ZMAT4: variants seen among roughly 807,000 people sequenced by gnomAD.
ZMAT4 encodes zinc finger matrin-type 4.
Under a neutral mutation model 28.7 loss-of-function variants are expected in ZMAT4, and 17 were observed. The observed-to-expected ratio is 0.59, with a 90% confidence interval of 0.41 to 0.89. ZMAT4 has a LOEUF of 0.89. Among genes scored for constraint, ZMAT4 ranks in the 40% least tolerant of loss-of-function variants. The pLI, the probability that ZMAT4 is intolerant of heterozygous loss-of-function variation, is 0.00. For synonymous variants in ZMAT4, 117 were observed against 109.2 expected (o/e 1.07, Z -0.44); for missense variants, 240 against 283.8 (o/e 0.85, Z 1.11).
chr8:40,615,968 A>C (rs1207815384), intron 5 of ZMAT4, among the ~76,000 whole-genome samples: 2 of 152,214 alleles, frequency 1.3e-5, no homozygotes, highest in African/African-American at 4.8e-5. Flanking sequence ...AATGGGAGAA[A>C]ATTTTTGCAA....
chr8:40,864,199 A>T (rs77966301), intron 1 of ZMAT4, among the ~76,000 whole-genome samples: 2,322 of 152,338 alleles, frequency 0.015, 29 homozygotes, highest in Middle Eastern at 0.037. Flanking sequence ...AAAGAAAGGC[A>T]TTTGCCAATC....
At position 40,877,765 on chromosome 8, in the gene ZMAT4, C is replaced by T. The variant is rs535582857; in HGVS notation, c.-5+19918G>A. Among the ~76,000 whole-genome samples the T allele has an allele frequency of 1.6e-4, 24 of 152,040 alleles. No homozygotes were observed. In the South Asian group the frequency reaches 5.0e-3, roughly 32 times the overall value. ...GAGAAAGACGGAGAGAGTTTTCTCC[C>T]AAGACTTTCAGTGGGTGGCAGAGAA... On this transcript the variant is annotated intron_variant, in intron 1 of 6. Coordinates refer to ENST00000297737, the MANE Select transcript of ZMAT4 (RefSeq NM_024645.3).
intron 3 of ZMAT4, among the ~76,000 whole-genome samples, chr8:40,713,805 A>C (rs1296562695): frequency 6.6e-6 from 1 of 151,050 alleles, no homozygotes; most frequent in Admixed American, 6.6e-5. Context: ...GCTACTTGAG[A>C]GGCTGAGGCA....
intron 6 of ZMAT4, among the ~76,000 whole-genome samples, chr8:40,553,199 T>A (rs1022916623): frequency 2.0e-5 from 3 of 152,100 alleles, no homozygotes; most frequent in African/African-American, 7.2e-5. Context: ...GCCGTGTGAG[T>A]GCAACACCTT....
intron 4 of ZMAT4, among the ~76,000 whole-genome samples, chr8:40,681,418 A>G (rs1180422523): frequency 6.6e-6 from 1 of 152,214 alleles, no homozygotes. Context: ...TGATAGCAGT[A>G]TTTCTTCAGC....
At chr8:40,792,150 T>A (rs909629428) in intron 2 of ZMAT4, among the ~76,000 whole-genome samples, 4 of 152,158 alleles carry the variant, frequency 2.6e-5, no homozygotes, top group African/African-American at 9.7e-5. Flanking sequence ...ATATTCTACA[T>A]TTCTGTATGT....
intron 3 of ZMAT4, among the ~76,000 whole-genome samples, chr8:40,700,029 T>C (rs1810063855): frequency 6.6e-6 from 1 of 152,178 alleles, no homozygotes; most frequent in Non-Finnish European, 1.5e-5. Flanking sequence ...TTGCCCTTAA[T>C]GAATGAAAAA....
At chr8:40,706,290 G>C (rs1329349746) in intron 3 of ZMAT4, among the ~76,000 whole-genome samples, 1 of 152,080 alleles carries the variant, frequency 6.6e-6, no homozygotes. Context: ...TCCTGACCCC[G>C]TGATCCACCC....
chr8:40,661,954 A>C (rs879752442), intron 5 of ZMAT4, among the ~76,000 whole-genome samples: 1 of 152,042 alleles, frequency 6.6e-6, no homozygotes, highest in Non-Finnish European at 1.5e-5. Context: ...AAAATTGGTA[A>C]CTAAAGAACA....
intron 6 of ZMAT4, among the ~76,000 whole-genome samples, chr8:40,535,270 C>A (rs1165799138): frequency 6.6e-6 from 1 of 152,174 alleles, no homozygotes; most frequent in Admixed American, 6.5e-5. Context: ...CTTCTTCCAC[C>A]ACTAGTCTTT....
chr8:40,859,393 A>G (rs1401842036), intron 1 of ZMAT4, among the ~76,000 whole-genome samples: 1 of 152,124 alleles, frequency 6.6e-6, no homozygotes, highest in Admixed American at 6.5e-5. Flanking sequence ...GAGTGCATGT[A>G]TGGAAACCCA....
chr8:40,686,351 G>A (rs35246032), intron 4 of ZMAT4, among the ~76,000 whole-genome samples: 1 of 151,948 alleles, frequency 6.6e-6, no homozygotes, highest in Non-Finnish European at 1.5e-5. Flanking sequence ...TGCACCCCCA[G>A]CTAATTGGGA....
At chr8:40,551,041 C>T (rs1473610413) in intron 6 of ZMAT4, among the ~76,000 whole-genome samples, 1 of 152,130 alleles carries the variant, frequency 6.6e-6, no homozygotes, top group African/African-American at 2.4e-5. Context: ...ATCTATTATG[C>T]TTCATTTGTT....
At position 40,781,906 on chromosome 8, in the gene ZMAT4, T is replaced by A. The variant is rs145399527; in HGVS notation, c.103-14176A>T. ...ATTAAATATATGCAAAACAGTGGAG[T>A]TGGACTCCTACCTCCTACCATATAC... On this transcript the variant is annotated intron_variant, in intron 2 of 6. Coordinates refer to ENST00000297737, the MANE Select transcript of ZMAT4 (RefSeq NM_024645.3). Among the ~76,000 whole-genome samples the A allele has an allele frequency of 4.0e-5, 6 of 151,146 alleles. No individual in the cohort carries two copies. In the East Asian group the frequency reaches 1.2e-3, roughly 29 times the overall value.
chr8:40,594,055 TGGAGAGA>T (rs1805000330), intron 5 of ZMAT4, among the ~76,000 whole-genome samples: 1 of 152,144 alleles, frequency 6.6e-6, no homozygotes, highest in African/African-American at 2.4e-5. Flanking sequence ...CCAGTTAGGT[TGGAGAGA>T]GTTTCATAGA....
chr8:40,814,901 A>C (rs1815470043), intron 2 of ZMAT4, among the ~76,000 whole-genome samples: 1 of 152,246 alleles, frequency 6.6e-6, no homozygotes, highest in Non-Finnish European at 1.5e-5. Context: ...CATTTTGCTC[A>C]AAGACTTCAA....
chr8:40,880,261 C>A lies in ZMAT4; in HGVS notation c.-5+17422G>T, dbSNP rs1167422020. ...GCACATGCCTGTAATCCCAGCTACT[C>A]GGGAGGCTGAGGCAGGAGAATCACT... On this transcript the variant is annotated intron_variant, in intron 1 of 6. Transcript: ENST00000297737. 4.0e-5 allele frequency among the ~76,000 whole-genome samples: 6 copies of A among 151,062 alleles called. No individual in the cohort carries two copies. The East Asian group carries it at 1.2e-3, about 30-fold the overall frequency.
intron 3 of ZMAT4, among the ~76,000 whole-genome samples, chr8:40,762,790 C>T (rs950237005): frequency 6.6e-6 from 1 of 152,116 alleles, no homozygotes; most frequent in African/African-American, 2.4e-5. Context: ...AGAGGAAGGC[C>T]CTGCCCATGC....
At chr8:40,796,806 C>G (rs1045346483) in intron 2 of ZMAT4, among the ~76,000 whole-genome samples, 5 of 152,196 alleles carry the variant, frequency 3.3e-5, no homozygotes, top group Admixed American at 2.6e-4. Context: ...CTTGTTTTCT[C>G]TCTTTCTTCT....
Sources: gnomAD v4.1 joint callset for allele counts (sites outside exome capture counted in the v4.1 genomes callset) on GRCh38, gnomAD v4.1.1 for gene constraint, MANE v1.5 for transcripts, NCBI Gene and HGNC (gene_info 2026-07-23, HGNC 2026-07-21) for gene names.